The following MMGT1 variants were observed in gnomAD, a reference collection of about 807,000 sequenced individuals.
The protein encoded by MMGT1 is ER membrane protein complex subunit 5.
In MMGT1, 2 loss-of-function variants were observed where a neutral mutation model predicts 11.7. The ratio of observed to expected loss-of-function variants is 0.17; its 90% CI spans 0.07 to 0.54. The LOEUF (loss-of-function observed/expected upper bound fraction) is 0.54, where lower values mean the gene tolerates loss of function less well. Among genes scored for constraint, MMGT1 ranks in the 20% least tolerant of loss-of-function variants. The probability of loss-of-function intolerance (pLI) is 0.94; values close to 1 mark genes in which losing one functional copy is unlikely to be tolerated. For missense variants in MMGT1, 74 were observed against 109.0 expected (o/e 0.68, Z 1.43); for synonymous variants, 49 against 44.4 (o/e 1.10, Z -0.41).
chrX:135,973,015 C>T (rs1286191410), intron 1 of MMGT1, among the ~76,000 whole-genome samples: 2 of 112,363 alleles, frequency 1.8e-5, no homozygotes, highest in Non-Finnish European at 3.8e-5. Flanking sequence ...CTAAACACAG[C>T]GCAATTTCAA....
In MMGT1 at chrX:135,967,353, T is replaced by A. The variant is rs1197491813; in HGVS notation, c.236+37A>T. 5 of 851,695 alleles carry A rather than the reference T, an allele frequency of 5.9e-6. No homozygotes were observed. In the South Asian group the frequency reaches 1.1e-4, roughly 18 times the overall value. The allele number at this position is 851,695 out of a possible 1,213,427, so 70.2% of individuals were successfully genotyped here. On this transcript the variant is annotated intron_variant, in intron 3 of 3. Coordinates refer to ENST00000305963, the MANE Select transcript of MMGT1 (RefSeq NM_173470.3). ...AAATTATGTGAATACAGCAAACCTC[T>A]ATGAAATGCAATGCCTATGAAAAGA... is the stretch of plus-strand genomic sequence containing the variant.
intron 2 of MMGT1, among the ~76,000 whole-genome samples, chrX:135,968,875 T>C (rs1274114374): frequency 9.0e-6 from 1 of 111,664 alleles, no homozygotes; most frequent in Non-Finnish European, 1.9e-5. Flanking sequence ...ATACCACAAT[T>C]TATCCATTCT....
chrX:135,967,983 G>A (rs368206273), intron 2 of MMGT1, among the ~76,000 whole-genome samples: 1 of 111,043 alleles, frequency 9.0e-6, no homozygotes, highest in African/African-American at 3.3e-5. Context: ...TCAGCCTCCT[G>A]AGTAGATTAC....
At chrX:135,969,688 A>G (rs2089206888) in intron 2 of MMGT1, among the ~76,000 whole-genome samples, 1 of 112,508 alleles carries the variant, frequency 8.9e-6, no homozygotes, top group Admixed American at 9.4e-5. Context: ...ACAAGAATCT[A>G]TATGAGCTGT....
intron 3 of MMGT1, among the ~76,000 whole-genome samples, 198 bp from the exon 4 acceptor site, chrX:135,965,381 A>T (rs1383900071): frequency 9.0e-6 from 1 of 111,470 alleles, no homozygotes; most frequent in East Asian, 2.8e-4. Context: ...CTGGAAAAGC[A>T]GCATATAGCT....
chrX:135,967,804 T>C (rs1556612140), intron 2 of MMGT1, among the ~76,000 whole-genome samples: 1 of 112,039 alleles, frequency 8.9e-6, no homozygotes, highest in African/African-American at 3.2e-5. Context: ...CAAGAGCAAC[T>C]AAGAATTTTT....
Position 135,961,441 on chromosome X carries a change from GGA to G in MMGT1, c.*3581_*3582del, listed in dbSNP as rs1387022063. 9.0e-6 allele frequency among the ~76,000 whole-genome samples: 1 copy of G among 111,222 alleles called. No individual in the cohort carries two copies. The highest frequency in any genetic ancestry group is 1.9e-5 in the Non-Finnish European group (1 of 52,955). Reference sequence around the variant, plus strand: ...AAGACACTTGAAACTGGTTACTTTTGGAGAGGAGTATTAGGGTAGGAGGGAAG... The same window carrying G: ...AAGACACTTGAAACTGGTTACTTTTGGAGGAGTATTAGGGTAGGAGGGAAG... On this transcript the variant is annotated 3_prime_UTR_variant, in exon 4 of 4. Coordinates refer to ENST00000305963, the MANE Select transcript of MMGT1 (RefSeq NM_173470.3).
In MMGT1 at chrX:135,962,374, C is replaced by T. The variant is rs782805407; in HGVS notation, c.*2650G>A. On this transcript the variant is annotated 3_prime_UTR_variant, in exon 4 of 4. Transcript: ENST00000305963. ...CTGGTTCCCTGGTTATTAAGTGAGT[C>T]GTTCCGTATTTTAAAGAGCCTTGAT... 2.6e-4 allele frequency: 29 copies of T among 111,551 alleles called. No homozygotes were observed. The highest frequency in any genetic ancestry group is 4.9e-4 in the Non-Finnish European group (26 of 53,115). 9.2% of individuals were successfully genotyped at this position (111,551 alleles called of 1,213,427 possible). A position where few individuals can be genotyped will look rare whatever the true frequency, so the allele number is the denominator to read the frequency against.
rs1556611589 is a variant in MMGT1 at position 135,963,016 on chromosome X, G to A, written c.*2008C>T. The A allele has an allele frequency of 9.0e-6, 1 of 111,115 alleles. No homozygotes were observed. The allele number at this position is 111,115 out of a possible 1,213,427, so 9.2% of individuals were successfully genotyped here. A position where few individuals can be genotyped will look rare whatever the true frequency, so the allele number is the denominator to read the frequency against. ...TCACTCCATATAGAAAATCATATTT[G>A]GGAAGCCAGTCCCAAAAGACCGAAT... On this transcript the variant is annotated 3_prime_UTR_variant, in exon 4 of 4. Coordinates refer to ENST00000305963, the MANE Select transcript of MMGT1 (RefSeq NM_173470.3).
In MMGT1 at chrX:135,973,839, A is replaced by C. The variant is rs1556612924; in HGVS notation, c.-164T>G. Reference sequence around the variant, plus strand: ...GCCAGAGGGCTGTGAGAAAACGGAAACAGGAATGCCGGGAAGAAGCAGAAA... The same window carrying C: ...GCCAGAGGGCTGTGAGAAAACGGAACCAGGAATGCCGGGAAGAAGCAGAAA... On this transcript the variant is annotated 5_prime_UTR_variant, in exon 1 of 4. Coordinates refer to ENST00000305963, the MANE Select transcript of MMGT1 (RefSeq NM_173470.3). The C allele has an allele frequency of 8.6e-7, 1 of 1,158,692 alleles. No homozygotes were observed. Among genetic ancestry groups the C allele is most frequent in the Non-Finnish European group, 1.1e-6 (1 of 870,444 alleles).
chrX:135,965,050 G>A lies in MMGT1; in HGVS notation c.370C>T (p.Arg124Ter), dbSNP rs377059218. Residue 124 changes from arginine (R) to a stop codon, truncating the protein, a stop_gained, in exon 4 of 4, where the codon CGA (arginine) becomes TGA (stop). Coordinates refer to ENST00000305963, the MANE Select transcript of MMGT1 (RefSeq NM_173470.3). LOFTEE classifies it high-confidence loss of function. ...ALSSNTSLKL[R>*]KLESLRR ...TAACGACGCAGTGATTCGAGTTTTC[G>A]TAACTTCAATGATGTGTTAGAGGAC... 1.4e-5 allele frequency: 17 copies of A among 1,206,542 alleles called. No homozygotes were observed. Among genetic ancestry groups the A allele is most frequent in the South Asian group, 7.1e-5 (4 of 56,337 alleles).
intron 3 of MMGT1, among the ~76,000 whole-genome samples, chrX:135,966,442 A>T (rs1266596159): frequency 1.8e-5 from 2 of 111,418 alleles, no homozygotes; most frequent in African/African-American, 6.5e-5. Flanking sequence ...AAAAATACAA[A>T]AATTAGCCGG....
At position 135,973,767 on chromosome X, in the gene MMGT1, A is replaced by T; in HGVS notation, c.-92T>A. ...GCGGGTGTCCGCGCGCCGCAGAAAG[A>T]TGACGTCACTGAAGTCCTGAGCGCA... On this transcript the variant is annotated 5_prime_UTR_variant, in exon 1 of 4. Coordinates refer to ENST00000305963, the MANE Select transcript of MMGT1 (RefSeq NM_173470.3). 1 of 1,166,008 alleles carries T rather than the reference A, an allele frequency of 8.6e-7. No individual in the cohort carries two copies. Among genetic ancestry groups the T allele is most frequent in the Non-Finnish European group, 1.1e-6 (1 of 872,666 alleles).
chrX:135,973,605 G>A lies in MMGT1; in HGVS notation c.71C>T (p.Ala24Val), dbSNP rs1338523983. The change falls in exon 1 of 4, where the codon GCT becomes GTT. Residue 24 changes from alanine (A) to valine (V), a missense_variant. By Grantham distance (64) the Ala-to-Val change is moderately conservative (BLOSUM62 0). Around this residue, in one of 2 missense-constraint regions of MMGT1, gnomAD observed 40 missense variants for 79.6 expected, o/e 0.50. Coordinates refer to ENST00000305963, the MANE Select transcript of MMGT1 (RefSeq NM_173470.3). ...LFALAHAAFS[A>V]AQHRSYMRLT... ...GTGCCCCAGGCACTTACGCTGCGCA[G>A]CGGAAAAGGCGGCGTGGGCTAGGGC... The A allele has an allele frequency of 1.7e-6, 2 of 1,165,769 alleles. No homozygotes were observed. The highest frequency in any genetic ancestry group is 2.3e-6 in the Non-Finnish European group (2 of 871,689).
intron 1 of MMGT1, among the ~76,000 whole-genome samples, chrX:135,972,519 G>C (rs2089225270): frequency 8.9e-6 from 1 of 111,968 alleles, no homozygotes; most frequent in Non-Finnish European, 1.9e-5. Flanking sequence ...AGCCTCGCCT[G>C]CTTCTAACAC....
At position 135,963,302 on chromosome X, in the gene MMGT1, A is replaced by G. The variant is rs1250173036; in HGVS notation, c.*1722T>C. 1.8e-5 allele frequency: 2 copies of G among 111,878 alleles called. No individual in the cohort carries two copies. The highest frequency in any genetic ancestry group is 6.5e-5 in the African/African-American group (2 of 30,754). The allele number at this position is 111,878 out of a possible 1,213,427, so 9.2% of individuals were successfully genotyped here. On this transcript the variant is annotated 3_prime_UTR_variant, in exon 4 of 4. Coordinates refer to ENST00000305963, the MANE Select transcript of MMGT1 (RefSeq NM_173470.3). Reference sequence around the variant, plus strand: ...AAGTGAATTGTAAGGTATGTGAATTATATCTCAATAATGTTACAAACATAT... The same window carrying G: ...AAGTGAATTGTAAGGTATGTGAATTGTATCTCAATAATGTTACAAACATAT...
In MMGT1 at chrX:135,973,760, C is replaced by G; in HGVS notation, c.-85G>C. On this transcript the variant is annotated 5_prime_UTR_variant, in exon 1 of 4. Coordinates refer to ENST00000305963, the MANE Select transcript of MMGT1 (RefSeq NM_173470.3). ...TCCACCGGCGGGTGTCCGCGCGCCGCAGAAAGATGACGTCACTGAAGTCCT... is the reference window on the plus strand; with the variant it reads ...TCCACCGGCGGGTGTCCGCGCGCCGGAGAAAGATGACGTCACTGAAGTCCT... 1 of 1,166,085 alleles carries G rather than the reference C, an allele frequency of 8.6e-7. No individual in the cohort carries two copies. The highest frequency in any genetic ancestry group is 1.1e-6 in the Non-Finnish European group (1 of 872,726).
chrX:135,973,514 G>A (rs2089232593), intron 1 of MMGT1, 83 bp downstream of exon 1: 1 of 767,732 alleles, frequency 1.3e-6, no homozygotes, highest in South Asian at 2.5e-5. Context: ...TCTGACACTC[G>A]GTCCGATGGT....
rs2089163443 is a variant in MMGT1, at chrX:135,962,822, T to C, written c.*2202A>G. ...TCCATTCTAGAGACTAGCCACAGTA[T>C]TATAAGTAGTAATATATCATAAATG... On this transcript the variant is annotated 3_prime_UTR_variant, in exon 4 of 4. Coordinates refer to ENST00000305963, the MANE Select transcript of MMGT1 (RefSeq NM_173470.3). The C allele has an allele frequency of 8.9e-6, 1 of 111,895 alleles. No individual in the cohort carries two copies. The highest frequency in any genetic ancestry group is 1.9e-5 in the Non-Finnish European group (1 of 53,196). 9.2% of individuals were successfully genotyped at this position (111,895 alleles called of 1,213,427 possible). A position where few individuals can be genotyped will look rare whatever the true frequency, so the allele number is the denominator to read the frequency against.
Sources: gnomAD v4.1 joint callset for allele counts (sites outside exome capture counted in the v4.1 genomes callset) on GRCh38, gnomAD v4.1.1 for gene constraint, gnomAD v4.1.1 regional missense constraint, MANE v1.5 for transcripts, NCBI Gene and HGNC (gene_info 2026-07-23, HGNC 2026-07-21) for gene names.